TBCK: variants seen among roughly 807,000 people sequenced by gnomAD.
TBCK encodes the protein TBC domain-containing protein kinase-like protein.
Under a neutral mutation model 113.4 loss-of-function variants are expected in TBCK, and 99 were observed. The ratio of observed to expected loss-of-function variants is 0.87; its 90% confidence interval spans 0.74 to 1.03. The LOEUF is 1.03. Among genes scored for constraint, TBCK ranks in the 50% least tolerant of loss-of-function variants. TBCK has a pLI of 0.00. For missense variants in TBCK, 1,045 were observed against 1,061.3 expected, an observed-to-expected ratio of 0.98 and a Z score of 0.21; for synonymous variants, 369 against 370.8, an observed-to-expected ratio of 1.00 and a Z score of 0.05.
intron 24 of TBCK, among the ~76,000 whole-genome samples, chr4:106,106,317 A>G (rs1742147503): frequency 6.6e-6 from 1 of 152,192 alleles, no homozygotes; most frequent in Non-Finnish European, 1.5e-5. Context: ...TCTACGCAAG[A>G]TCATACATGA....
intron 24 of TBCK, among the ~76,000 whole-genome samples, chr4:106,113,350 T>C (rs775150271): frequency 3.2e-4 from 48 of 152,220 alleles, no homozygotes; most frequent in Middle Eastern, 3.2e-3. Context: ...GCAACACTAC[T>C]AGCACAAGCC....
intron 3 of TBCK, among the ~76,000 whole-genome samples, chr4:106,291,834 T>A (rs1191289710): frequency 6.6e-6 from 1 of 152,194 alleles, no homozygotes; most frequent in Non-Finnish European, 1.5e-5. Flanking sequence ...CTAGACAAAC[T>A]GATGAAATAA....
At chr4:106,118,586 T>C (rs1323873526) in intron 23 of TBCK, among the ~76,000 whole-genome samples, 1 of 152,230 alleles carries the variant, frequency 6.6e-6, no homozygotes, top group Non-Finnish European at 1.5e-5. Flanking sequence ...CAGGTATTTT[T>C]TCCAGCCTTC....
At chr4:106,068,988 GTTGT>G (rs144184849) in intron 25 of TBCK, among the ~76,000 whole-genome samples, 92,568 of 150,898 alleles carry the variant, frequency 0.61, 28,428 homozygotes, top group Non-Finnish European at 0.63. Context: ...TTTTGATGGG[GTTGT>G]TTGATTTTTT....
At chr4:106,248,845 G>A in intron 8 of TBCK, 76 bp downstream of exon 8, 1 of 1,192,714 alleles carries the variant, frequency 8.4e-7, no homozygotes, top group Non-Finnish European at 1.2e-6. Context: ...ATAAATTTTT[G>A]TCTTTATAAG....
intron 24 of TBCK, among the ~76,000 whole-genome samples, chr4:106,102,461 T>C (rs1741667961): frequency 6.6e-6 from 1 of 152,206 alleles, no homozygotes; most frequent in African/African-American, 2.4e-5. Context: ...GTGAAGGTTC[T>C]GAAGGGGGCT....
chr4:106,255,676 C>T (rs1224138324), intron 5 of TBCK, among the ~76,000 whole-genome samples: 1 of 114,158 alleles, frequency 8.8e-6, no homozygotes, highest in African/African-American at 2.7e-5. Context: ...CTCCTCTCTC[C>T]TTCTGTCTTC....
Position 106,251,947 on chromosome 4 carries a change from G to C in TBCK, c.516C>G (p.His172Gln). ...IAQGIFKTTD[H>Q]MPSKKPLPSG... The stretch of plus-strand genomic sequence containing the variant: ...AAGGCAATGGTTTTTTACTTGGCAT[G>C]TGATCAGTGGTTTTGAAAATTCCCT... Residue 172 changes from histidine (H) to glutamine (Q), a missense_variant, in exon 6 of 26, where the codon CAC becomes CAG. Coordinates refer to ENST00000394708, the MANE Select transcript of TBCK (RefSeq NM_001163435.3). 1 of 1,612,058 alleles carries C rather than the reference G, an allele frequency of 6.2e-7. No homozygotes were observed. The highest frequency in any genetic ancestry group is 8.5e-7 in the Non-Finnish European group (1 of 1,178,652).
intron 23 of TBCK, among the ~76,000 whole-genome samples, chr4:106,139,544 A>G (rs1437280981): frequency 7.1e-6 from 1 of 141,498 alleles, no homozygotes; most frequent in African/African-American, 2.5e-5. Flanking sequence ...GATGATTCTT[A>G]CAAGAATATA....
At chr4:106,048,676 C>G (rs1419040163) in intron 25 of TBCK, among the ~76,000 whole-genome samples, 1 of 152,130 alleles carries the variant, frequency 6.6e-6, no homozygotes, top group African/African-American at 2.4e-5. Flanking sequence ...CATAACATTA[C>G]TGAAAAAGCC....
At chr4:106,217,420 G>T (rs1343370200) in intron 19 of TBCK, among the ~76,000 whole-genome samples, 7 of 152,196 alleles carry the variant, frequency 4.6e-5, no homozygotes, top group Non-Finnish European at 1.0e-4. Context: ...AAAAGAGGAA[G>T]TCAAATTGTC....
At chr4:106,214,122 C>T (rs973171904) in intron 19 of TBCK, among the ~76,000 whole-genome samples, 3 of 151,796 alleles carry the variant, frequency 2.0e-5, no homozygotes, top group South Asian at 4.2e-4. Context: ...ACACCTCACA[C>T]GGCAGGGTAC....
At chr4:106,103,529 G>A (rs1741790342) in intron 24 of TBCK, among the ~76,000 whole-genome samples, 1 of 152,164 alleles carries the variant, frequency 6.6e-6, no homozygotes, top group Non-Finnish European at 1.5e-5. Context: ...GACTGGCTCT[G>A]CAATTACTAG....
intron 5 of TBCK, 121 bp downstream of exon 5, chr4:106,260,316 A>T (rs1387720964): frequency 2.4e-6 from 1 of 415,778 alleles, no homozygotes; most frequent in Non-Finnish European, 4.2e-6. Context: ...GAGATGCATT[A>T]ATTTTAAAAA....
chr4:106,264,690 A>G (rs529020722), intron 3 of TBCK, among the ~76,000 whole-genome samples: 1 of 152,116 alleles, frequency 6.6e-6, no homozygotes, highest in East Asian at 1.9e-4. Flanking sequence ...TCAGTCATCA[A>G]GATTTAACGG....
chr4:106,080,069 T>C (rs938575281), intron 25 of TBCK, among the ~76,000 whole-genome samples: 8 of 152,098 alleles, frequency 5.3e-5, no homozygotes, highest in Admixed American at 1.3e-4. Flanking sequence ...TCAAACCATA[T>C]TGGGAAGAGT....
chr4:106,097,340 C>T (rs1033742928), intron 24 of TBCK, among the ~76,000 whole-genome samples: 3 of 152,068 alleles, frequency 2.0e-5, no homozygotes, highest in African/African-American at 4.8e-5. Context: ...CTACTTCAAC[C>T]AAAATGTCCT....
chr4:106,193,699 A>G lies in TBCK; in HGVS notation c.1969T>C (p.Cys657Arg). ...TGCTGAAGAATTGCTACTCCAATAC[A>G]GAATGGGAAAGAGGAATTCCCAAGT... Reference protein sequence around the residue: ...LLLGNSSFPFCIGVAILQQLR... With the variant: ...LLLGNSSFPFRIGVAILQQLR... The change falls in exon 22 of 26, where the codon TGT becomes CGT. Residue 657 changes from cysteine (C) to arginine (R), a missense_variant. Transcript: ENST00000394708. 1 of 1,612,220 alleles carries G rather than the reference A, an allele frequency of 6.2e-7. No individual in the cohort carries two copies.
At chr4:106,277,441 C>A (rs1764148999) in intron 3 of TBCK, among the ~76,000 whole-genome samples, 1 of 151,950 alleles carries the variant, frequency 6.6e-6, no homozygotes, top group African/African-American at 2.4e-5. Context: ...CTGAAAATAG[C>A]CAAGAAGTTC....
Sources: allele counts gnomAD v4.1 joint callset (sites outside exome capture counted in the v4.1 genomes callset), GRCh38; gene constraint gnomAD v4.1.1; transcripts MANE v1.5; gene names NCBI Gene and HGNC (gene_info 2026-07-23, HGNC 2026-07-21).